The following ZNF385D variants were observed in gnomAD, a reference collection of about 807,000 sequenced individuals.
The protein encoded by ZNF385D is zinc finger protein 659.
In ZNF385D, 15 loss-of-function variants were observed where a neutral mutation model predicts 35.8. The observed-to-expected ratio is 0.42, with a 90% CI of 0.28 to 0.64. ZNF385D has a LOEUF of 0.64. Ranked by LOEUF, ZNF385D falls within the 30% of genes least tolerant of loss-of-function variation. The pLI, the probability that ZNF385D is intolerant of heterozygous loss-of-function variation, is 0.23. For missense variants in ZNF385D, 474 were observed against 494.6 expected, an observed-to-expected ratio of 0.96 and a Z score of 0.39; for synonymous variants, 212 against 186.8, an observed-to-expected ratio of 1.13 and a Z score of -1.10.
At chr3:21,951,348 G>T (rs1315756141) in intron 3 of ZNF385D, among the ~76,000 whole-genome samples, 3 of 151,550 alleles carry the variant, frequency 2.0e-5, no homozygotes, top group Non-Finnish European at 4.4e-5. Flanking sequence ...CTATCTGATT[G>T]TCTATTATTG....
intron 3 of ZNF385D, among the ~76,000 whole-genome samples, chr3:22,154,436 A>G (rs1342025707): frequency 6.6e-6 from 1 of 152,168 alleles, no homozygotes; most frequent in African/African-American, 2.4e-5. Flanking sequence ...AGAGGGCTTC[A>G]CCACGTAAGA....
At chr3:22,037,421 G>A (rs976548233) in intron 3 of ZNF385D, among the ~76,000 whole-genome samples, 24 of 151,880 alleles carry the variant, frequency 1.6e-4, no homozygotes, top group African/African-American at 5.3e-4. Flanking sequence ...GTGTGAGATG[G>A]TATCTCATTG....
intron 3 of ZNF385D, among the ~76,000 whole-genome samples, chr3:21,985,429 T>C (rs1694751268): frequency 1.7e-5 from 2 of 115,990 alleles, no homozygotes; most frequent in Non-Finnish European, 3.5e-5. Context: ...GATAATCATG[T>C]GGTTTTTGTC....
intron 2 of ZNF385D, among the ~76,000 whole-genome samples, chr3:22,249,024 G>A (rs1699932086): frequency 6.6e-6 from 1 of 152,078 alleles, no homozygotes. Context: ...TTATGTGAGT[G>A]GAGAATCATT....
intron 2 of ZNF385D, among the ~76,000 whole-genome samples, chr3:22,213,967 C>G (rs1368673985): frequency 1.3e-5 from 2 of 151,930 alleles, no homozygotes; most frequent in Admixed American, 1.3e-4. Flanking sequence ...TTAGTAAAGA[C>G]CTATTCATCA....
At chr3:22,095,762 CAGTT>C (rs1701586327) in intron 3 of ZNF385D, among the ~76,000 whole-genome samples, 1 of 151,834 alleles carries the variant, frequency 6.6e-6, no homozygotes, top group East Asian at 1.9e-4. Flanking sequence ...TATGTGGCAT[CAGTT>C]AGCATTTCTA....
At chr3:21,629,511 T>C (rs970032294) in intron 2 of ZNF385D, among the ~76,000 whole-genome samples, 1 of 152,310 alleles carries the variant, frequency 6.6e-6, no homozygotes, top group African/African-American at 2.4e-5. Context: ...AAATGACTAC[T>C]TGCCCAAGTA....
At chr3:22,323,875 T>C (rs1183440501) in intron 2 of ZNF385D, among the ~76,000 whole-genome samples, 1 of 152,206 alleles carries the variant, frequency 6.6e-6, no homozygotes, top group Admixed American at 6.5e-5. Context: ...AAAAGTCACA[T>C]AACTAATACT....
chr3:22,312,801 G>A (rs1261576787), intron 2 of ZNF385D, among the ~76,000 whole-genome samples: 44 of 146,252 alleles, frequency 3.0e-4, no homozygotes, highest in African/African-American at 1.1e-3. Flanking sequence ...TACACTGTTG[G>A]TGGGACTGTA....
intron 3 of ZNF385D, among the ~76,000 whole-genome samples, chr3:22,142,677 C>T (rs1040993371): frequency 5.3e-5 from 8 of 152,102 alleles, no homozygotes; most frequent in Admixed American, 3.3e-4. Context: ...ATCAGCCAAA[C>T]AGCCTCAGCA....
intron 3 of ZNF385D, chr3:21,979,859 TAG>T (rs1409188184): frequency 6.6e-6 from 1 of 152,210 alleles, no homozygotes; most frequent in African/African-American, 2.4e-5. Flanking sequence ...TATGTTTGCA[TAG>T]AGAGTAACTA....
intron 3 of ZNF385D, among the ~76,000 whole-genome samples, chr3:21,759,024 T>A (rs1369293983): frequency 7.4e-6 from 1 of 134,906 alleles, no homozygotes; most frequent in African/African-American, 2.8e-5. Context: ...GATGCTATTG[T>A]AACAAGTCCT....
At chr3:21,687,951 G>GT (rs2067160829) in intron 1 of ZNF385D, among the ~76,000 whole-genome samples, 1 of 151,916 alleles carries the variant, frequency 6.6e-6, no homozygotes, top group South Asian at 2.1e-4. Flanking sequence ...TTGGAATGCA[G>GT]TAGCACGGTC....
At chr3:21,809,265 A>G (rs1264047520) in intron 3 of ZNF385D, among the ~76,000 whole-genome samples, 1 of 152,166 alleles carries the variant, frequency 6.6e-6, no homozygotes, top group Non-Finnish European at 1.5e-5. Context: ...AAAAAGAAAT[A>G]GAAACTAAGG....
chr3:22,125,166 G>A (rs975861283), intron 3 of ZNF385D, among the ~76,000 whole-genome samples: 1 of 152,126 alleles, frequency 6.6e-6, no homozygotes, highest in Non-Finnish European at 1.5e-5. Context: ...CATTATTGAA[G>A]AGACTATCCT....
At chr3:22,083,813 T>C (rs572142340) in intron 3 of ZNF385D, among the ~76,000 whole-genome samples, 6 of 151,926 alleles carry the variant, frequency 3.9e-5, no homozygotes, top group African/African-American at 1.4e-4. Context: ...AAGGAAAAAA[T>C]GTTAAGGGCA....
At chr3:22,326,317 T>C (rs950142660) in intron 2 of ZNF385D, among the ~76,000 whole-genome samples, 2 of 152,164 alleles carry the variant, frequency 1.3e-5, no homozygotes, top group Non-Finnish European at 2.9e-5. Context: ...AGAAAATTCC[T>C]TCCCCAAGCC....
chr3:21,810,507 G>C (rs538926411), intron 3 of ZNF385D, among the ~76,000 whole-genome samples: 11 of 151,844 alleles, frequency 7.2e-5, no homozygotes, highest in African/African-American at 1.7e-4. Context: ...ATGTACCCTA[G>C]AACTTAAAGT....
chr3:21,485,535 G>T (rs964875021), intron 4 of ZNF385D, among the ~76,000 whole-genome samples: 7 of 151,980 alleles, frequency 4.6e-5, no homozygotes, highest in Admixed American at 1.3e-4. Flanking sequence ...GCTCTTGCTA[G>T]GTTAGCTATC....
Sources: allele counts gnomAD v4.1 joint callset (sites outside exome capture counted in the v4.1 genomes callset), GRCh38; gene constraint gnomAD v4.1.1; transcripts MANE v1.5; gene names NCBI Gene and HGNC (gene_info 2026-07-23, HGNC 2026-07-21).